The following SNX18 variants were observed in gnomAD, a reference collection of about 807,000 sequenced individuals.
SNX18 encodes sorting nexin-18.
A neutral mutation model predicts 48.7 loss-of-function variants in SNX18; 35 were observed. The observed-to-expected ratio is 0.72, with a 90% CI of 0.55 to 0.95. The LOEUF is 0.95. Among genes scored for constraint, SNX18 ranks in the 40% least tolerant of loss-of-function variants. SNX18 has a pLI of 0.00. For synonymous variants in SNX18, 492 were observed against 384.7 expected, an observed-to-expected ratio of 1.28 and a Z score of -3.26; for missense variants, 824 against 871.0, an observed-to-expected ratio of 0.95 and a Z score of 0.68.
the SNX18 span, among the ~76,000 whole-genome samples, chr5:54,554,307 G>C: frequency 6.6e-6 from 1 of 152,134 alleles, no homozygotes; most frequent in Non-Finnish European, 1.5e-5. Context: ...ACAGTGCCTG[G>C]ACCCCACTTT....
the SNX18 span, among the ~76,000 whole-genome samples, chr5:54,614,835 A>G: frequency 0.019 from 2,827 of 152,302 alleles, 80 homozygotes; most frequent in African/African-American, 0.065. Context: ...GACACTAAAA[A>G]TAAAATTAGT....
At chr5:54,621,683 C>T in the SNX18 span, among the ~76,000 whole-genome samples, 1 of 152,122 alleles carries the variant, frequency 6.6e-6, no homozygotes, top group Non-Finnish European at 1.5e-5. Flanking sequence ...AATGAAAGGG[C>T]ATTCACAGAT....
At chr5:54,598,500 C>T in the SNX18 span, among the ~76,000 whole-genome samples, 18 of 152,180 alleles carry the variant, frequency 1.2e-4, no homozygotes, top group East Asian at 1.9e-4. Context: ...ACTGGCAAAC[C>T]GAATCCAGCA....
chr5:54,575,386 T>C, the SNX18 span, among the ~76,000 whole-genome samples: 3 of 149,330 alleles, frequency 2.0e-5, no homozygotes, highest in Non-Finnish European at 4.5e-5. Flanking sequence ...TTTTTTTTTT[T>C]TTTTGAGACA....
the SNX18 span, among the ~76,000 whole-genome samples, chr5:54,558,577 G>A: frequency 6.6e-6 from 1 of 152,042 alleles, no homozygotes; most frequent in Non-Finnish European, 1.5e-5. Flanking sequence ...CTCTGACTTG[G>A]GCCCTTGATG....
At chr5:54,571,404 C>T in the SNX18 span, among the ~76,000 whole-genome samples, 1 of 152,336 alleles carries the variant, frequency 6.6e-6, no homozygotes, top group African/African-American at 2.4e-5. Context: ...TTCTAAGACG[C>T]TTGGCAGTGC....
chr5:54,592,990 C>T, the SNX18 span, among the ~76,000 whole-genome samples: 6 of 151,898 alleles, frequency 4.0e-5, no homozygotes, highest in East Asian at 1.9e-4. Flanking sequence ...TAGTAGAGAC[C>T]GGGTTTCATC....
the SNX18 span, among the ~76,000 whole-genome samples, chr5:54,587,860 T>C: frequency 6.6e-6 from 1 of 152,210 alleles, no homozygotes; most frequent in Non-Finnish European, 1.5e-5. Flanking sequence ...CCATCAAGGA[T>C]ACAGTGTGAC....
intron 1 of SNX18, among the ~76,000 whole-genome samples, chr5:54,537,037 T>C (rs930239070): frequency 5.9e-5 from 9 of 152,162 alleles, no homozygotes; most frequent in African/African-American, 1.4e-4. Context: ...TCTTTTGAGA[T>C]GTATTTTTCA....
At chr5:54,599,462 A>G in the SNX18 span, among the ~76,000 whole-genome samples, 1 of 152,304 alleles carries the variant, frequency 6.6e-6, no homozygotes, top group Admixed American at 6.5e-5. Context: ...GACATTCTTC[A>G]CAAAATTAGA....
At chr5:54,571,371 A>G in the SNX18 span, among the ~76,000 whole-genome samples, 21,503 of 152,176 alleles carry the variant, frequency 0.14, 1,581 homozygotes, top group Middle Eastern at 0.16. Flanking sequence ...AAGTCCCCGT[A>G]GGAAGAATAA....
the SNX18 span, among the ~76,000 whole-genome samples, chr5:54,578,006 T>A: frequency 6.6e-6 from 1 of 152,198 alleles, no homozygotes; most frequent in African/African-American, 2.4e-5. Flanking sequence ...CCCAGTTTGC[T>A]CCCAGACTGG....
the SNX18 span, among the ~76,000 whole-genome samples, chr5:54,641,013 T>C: frequency 6.6e-6 from 1 of 152,102 alleles, no homozygotes; most frequent in Admixed American, 6.5e-5. Flanking sequence ...TGAGCCGAGA[T>C]TGTGCCACTG....
chr5:54,630,418 T>G, the SNX18 span, among the ~76,000 whole-genome samples: 1 of 152,176 alleles, frequency 6.6e-6, no homozygotes, highest in African/African-American at 2.4e-5. Context: ...TCACTGCTCT[T>G]GGAGCATCTT....
the SNX18 span, among the ~76,000 whole-genome samples, chr5:54,641,662 T>A: frequency 6.6e-6 from 1 of 152,144 alleles, no homozygotes; most frequent in Non-Finnish European, 1.5e-5. Context: ...CAACAAAAAT[T>A]TTTATCCCTT....
chr5:54,594,859 T>C, the SNX18 span, among the ~76,000 whole-genome samples: 2 of 152,336 alleles, frequency 1.3e-5, no homozygotes, highest in Middle Eastern at 3.4e-3. Flanking sequence ...TAGTGTCTAT[T>C]GTTGCCATCT....
chr5:54,631,040 A>T, the SNX18 span, among the ~76,000 whole-genome samples: 1 of 152,140 alleles, frequency 6.6e-6, no homozygotes, highest in Non-Finnish European at 1.5e-5. Flanking sequence ...AAGCTGTAGA[A>T]ATTCAAAGCC....
the SNX18 span, among the ~76,000 whole-genome samples, chr5:54,556,391 T>C: frequency 6.6e-6 from 1 of 152,170 alleles, no homozygotes; most frequent in Non-Finnish European, 1.5e-5. Flanking sequence ...CTTCATTCCT[T>C]GGCTCATGGC....
At position 54,517,944 on chromosome 5, in the gene SNX18, G is replaced by T; in HGVS notation, c.-9G>T. On this transcript the variant is annotated 5_prime_UTR_variant, in exon 1 of 2. Coordinates refer to ENST00000381410, the MANE Select transcript of SNX18 (RefSeq NM_001102575.2). ...GGGAGTCGGGACCGCCAGTCGGGGC[G>T]CCGGGACCATGGCGCTGCGCGCCCG... 2 of 1,502,710 alleles carry T rather than the reference G, an allele frequency of 1.3e-6. No individual in the cohort carries two copies. 93.1% of individuals were successfully genotyped at this position (1,502,710 alleles called of 1,614,324 possible).
Sources: gnomAD v4.1 joint callset for allele counts (sites outside exome capture counted in the v4.1 genomes callset) on GRCh38, gnomAD v4.1.1 for gene constraint, MANE v1.5 for transcripts, NCBI Gene and HGNC (gene_info 2026-07-23, HGNC 2026-07-21) for gene names.